Variants in TIA1 observed in about 807,000 individuals in gnomAD.
TIA1 encodes the protein cytotoxic granule associated RNA binding protein TIA1.
Under a neutral mutation model 65.9 loss-of-function variants are expected in TIA1, and 23 were observed. That is an observed-to-expected ratio of 0.35 (90% CI 0.25 to 0.49). TIA1 has a LOEUF of 0.49. Among genes scored for constraint, TIA1 ranks in the 20% least tolerant of loss-of-function variants. The pLI, the probability that TIA1 is intolerant of heterozygous loss-of-function variation, is 0.98. For synonymous variants in TIA1, 147 were observed against 149.4 expected (o/e 0.98, Z 0.12); for missense variants, 371 against 477.9 (o/e 0.78, Z 2.09).
At position 70,214,457 on chromosome 2, in the gene TIA1, C is replaced by A; in HGVS notation, c.926G>T (p.Trp309Leu). 1 of 1,613,536 alleles carries A rather than the reference C, an allele frequency of 6.2e-7. No homozygotes were observed. ...TTGTGCATTTCCATACCACTGGCCCCACTGGCCATAAGGTTGGGGATATCC... is the reference window on the plus strand; with the variant it reads ...TTGTGCATTTCCATACCACTGGCCCAACTGGCCATAAGGTTGGGGATATCC... ...QIGYPQPYGQ[W>L]GQWYGNAQQI... The change falls in exon 12 of 13, where the codon TGG becomes TTG. Residue 309 changes from tryptophan to leucine, a missense_variant. By Grantham distance (61) the Trp-to-Leu change is moderately conservative. Transcript: ENST00000433529.
rs72841144 is a variant in TIA1, at chr2:70,214,048, T to C, written c.1034+301A>G. Among the ~76,000 whole-genome samples the C allele has an allele frequency of 4.6e-3, 697 of 152,314 alleles. 1 individual carries two copies. The highest frequency in any genetic ancestry group is 7.6e-3 in the Non-Finnish European group (515 of 68,026). On this transcript the variant is annotated intron_variant, in intron 12 of 12. Transcript: ENST00000433529. ...TGTAATTCAGGGTGTATAAGGAAGCTTGCAATGTAACAAGGCATATTGAAA... is the reference window on the plus strand; with the variant it reads ...TGTAATTCAGGGTGTATAAGGAAGCCTGCAATGTAACAAGGCATATTGAAA...
At chr2:70,233,811 G>T (rs1687609812) in intron 2 of TIA1, among the ~76,000 whole-genome samples, 1 of 151,262 alleles carries the variant, frequency 6.6e-6, no homozygotes, top group Admixed American at 6.6e-5. Context: ...GTAAATAAAT[G>T]AAAAAGAATA....
chr2:70,223,213 A>C (rs2104241550), intron 7 of TIA1, among the ~76,000 whole-genome samples: 1 of 152,358 alleles, frequency 6.6e-6, no homozygotes, highest in Admixed American at 6.5e-5. Flanking sequence ...TAAGGAACTC[A>C]AATTAATCAC....
intron 1 of TIA1, among the ~76,000 whole-genome samples, chr2:70,236,780 T>A (rs1372881013): frequency 6.6e-6 from 1 of 152,074 alleles, no homozygotes; most frequent in Non-Finnish European, 1.5e-5. Flanking sequence ...GCGTGTGCCA[T>A]CATATCTGGC....
chr2:70,218,332 T>TGAAA (rs1679598337), intron 7 of TIA1, among the ~76,000 whole-genome samples: 1 of 152,212 alleles, frequency 6.6e-6, no homozygotes, highest in African/African-American at 2.4e-5. Flanking sequence ...AAGCAGCATG[T>TGAAA]GAAAGACTAG....
At chr2:70,212,997 A>G (rs1676930610) in intron 12 of TIA1, 152 bp from the exon 13 acceptor site, 1 of 587,786 alleles carries the variant, frequency 1.7e-6, no homozygotes, top group Non-Finnish European at 3.0e-6. Context: ...GGGAAAATGA[A>G]ATCTTTTACT....
At chr2:70,239,787 A>C (rs1690871916) in intron 1 of TIA1, among the ~76,000 whole-genome samples, 1 of 152,238 alleles carries the variant, frequency 6.6e-6, no homozygotes, top group Non-Finnish European at 1.5e-5. Context: ...AGCAACATTT[A>C]CCCAACAGCA....
At chr2:70,216,185 T>A in intron 10 of TIA1, 23 bp downstream of exon 10, 1 of 1,508,030 alleles carries the variant, frequency 6.6e-7, no homozygotes, top group Non-Finnish European at 8.9e-7. Context: ...AAGAAAAATG[T>A]TTTTTTAAAA....
intron 2 of TIA1, among the ~76,000 whole-genome samples, chr2:70,231,569 A>G (rs1558870838): frequency 6.6e-6 from 1 of 152,244 alleles, no homozygotes; most frequent in Non-Finnish European, 1.5e-5. Context: ...CTGGATATAT[A>G]GCTACACATA....
At chr2:70,237,465 T>C (rs1689492936) in intron 1 of TIA1, among the ~76,000 whole-genome samples, 1 of 152,202 alleles carries the variant, frequency 6.6e-6, no homozygotes. Context: ...TCTGTTTTAG[T>C]CATCGTTTTG....
chr2:70,222,879 G>A (rs1416084853), intron 7 of TIA1, among the ~76,000 whole-genome samples: 2 of 152,130 alleles, frequency 1.3e-5, no homozygotes, highest in Non-Finnish European at 2.9e-5. Flanking sequence ...GCGCCATTGC[G>A]CTCCAGCCTG....
intron 4 of TIA1, 46 bp downstream of exon 4, chr2:70,229,218 T>C: frequency 2.5e-6 from 4 of 1,608,172 alleles, no homozygotes; most frequent in Non-Finnish European, 3.4e-6. Context: ...ATAAAACTAC[T>C]GGGTACAATA....
intron 7 of TIA1, among the ~76,000 whole-genome samples, chr2:70,223,831 C>T (rs1333853681): frequency 6.6e-6 from 1 of 152,106 alleles, no homozygotes; most frequent in Non-Finnish European, 1.5e-5. Context: ...ACTTCTCAGC[C>T]TCCCAAAGTG....
Position 70,247,515 on chromosome 2 carries a change from G to A in TIA1, c.26+890C>T, listed in dbSNP as rs567912731. 8.5e-5 allele frequency among the ~76,000 whole-genome samples: 13 copies of A among 152,236 alleles called. No individual in the cohort carries two copies. The South Asian group carries it at 1.0e-3, about 12-fold the overall frequency. ...GAACTCATTGAGCTTTTCTTCTTCC[G>A]AGAAATGCCAACAAAGGCAGGATCA... is the stretch of plus-strand genomic sequence containing the variant. On this transcript the variant is annotated intron_variant, in intron 1 of 12. Coordinates refer to ENST00000433529, the MANE Select transcript of TIA1 (RefSeq NM_022173.4).
intron 1 of TIA1, 73 bp from the exon 2 acceptor site, chr2:70,236,248 G>C: frequency 1.0e-6 from 1 of 955,026 alleles, no homozygotes. Flanking sequence ...GCCCAGGATA[G>C]AGTGCAATGG....
At chr2:70,246,011 C>A (rs1179819895) in intron 1 of TIA1, among the ~76,000 whole-genome samples, 1 of 151,482 alleles carries the variant, frequency 6.6e-6, no homozygotes, top group Non-Finnish European at 1.5e-5. Context: ...GCAACCTCCA[C>A]CTCCCGGGTT....
At chr2:70,234,986 A>G (rs1272803768) in intron 2 of TIA1, among the ~76,000 whole-genome samples, 3 of 152,212 alleles carry the variant, frequency 2.0e-5, no homozygotes, top group Non-Finnish European at 4.4e-5. Context: ...CTGAAAGTTT[A>G]TAGCAGGCTG....
chr2:70,236,598 A>G (rs184159882), intron 1 of TIA1, among the ~76,000 whole-genome samples: 141 of 151,860 alleles, frequency 9.3e-4, no homozygotes, highest in Non-Finnish European at 1.7e-3. Context: ...GTAACGGACT[A>G]GAGGAACCAC....
chr2:70,244,991 T>C (rs1229047584), intron 1 of TIA1, among the ~76,000 whole-genome samples: 2 of 152,130 alleles, frequency 1.3e-5, no homozygotes, highest in African/African-American at 2.4e-5. Context: ...CTCATTAGTA[T>C]ATAGCAATTA....
Sources: allele counts gnomAD v4.1 joint callset (sites outside exome capture counted in the v4.1 genomes callset), GRCh38; gene constraint gnomAD v4.1.1; transcripts MANE v1.5; gene names NCBI Gene and HGNC (gene_info 2026-07-23, HGNC 2026-07-21).